Variants in LYZ observed in about 807,000 individuals in gnomAD.
LYZ encodes the protein lysozyme C.
LYZ carries 18 observed loss-of-function variants against 15.8 expected under a neutral mutation model. The observed-to-expected ratio is 1.14, with a 90% CI of 0.79 to 1.69. LYZ has a LOEUF of 1.69. Among genes scored for constraint, LYZ ranks in the 40% most tolerant of loss-of-function variants. The pLI, the probability that LYZ is intolerant of heterozygous loss-of-function variation, is 0.00. For missense variants in LYZ, 139 were observed against 182.8 expected (o/e 0.76, Z 1.38); for synonymous variants, 60 against 61.7 (o/e 0.97, Z 0.13).
Position 69,353,156 on chromosome 12 carries a change from G to A in LYZ, c.384G>A (p.Val128=). The change falls in exon 4 of 4, where the codon GTG becomes GTA. Residue 128 remains valine (V), a synonymous_variant. Coordinates refer to ENST00000261267, the MANE Select transcript of LYZ (RefSeq NM_000239.3). ...VRDPQGIRAW[V]AWRNRCQNRD... The stretch of plus-strand genomic sequence containing the variant: ...TTTGCTTCATCTTTTTCTACAGGGT[G>A]GCATGGAGAAATCGTTGTCAAAACA... 2 of 1,612,298 alleles carry A rather than the reference G, an allele frequency of 1.2e-6. No individual in the cohort carries two copies. The highest frequency in any genetic ancestry group is 2.2e-5 in the East Asian group (1 of 44,864).
At chr12:69,349,000 A>T (rs541086561) in intron 1 of LYZ, among the ~76,000 whole-genome samples, 2 of 151,478 alleles carry the variant, frequency 1.3e-5, no homozygotes, top group East Asian at 1.9e-4. Flanking sequence ...TTTTATTTTT[A>T]TTTTATTTTA....
chr12:69,353,718 G>T lies in LYZ; in HGVS notation c.*499G>T, dbSNP rs1359228360. 1.1e-5 allele frequency: 2 copies of T among 177,932 alleles called. No individual in the cohort carries two copies. Among genetic ancestry groups the T allele is most frequent in the Admixed American group, 5.6e-5 (1 of 17,926 alleles). The allele number at this position is 177,932 out of a possible 1,614,324, so 11.0% of individuals were successfully genotyped here. On this transcript the variant is annotated 3_prime_UTR_variant, in exon 4 of 4. Transcript: ENST00000261267. ...TTAGCCAGGATGGTCTCGATCTCCTGACCTTGTGATCCACCCACCTCGGCC... is the reference window on the plus strand; with the variant it reads ...TTAGCCAGGATGGTCTCGATCTCCTTACCTTGTGATCCACCCACCTCGGCC...
chr12:69,349,849 A>C (rs1032811210), intron 1 of LYZ, among the ~76,000 whole-genome samples: 6 of 152,206 alleles, frequency 3.9e-5, no homozygotes, highest in Non-Finnish European at 8.8e-5. Context: ...GAAGGGTAAA[A>C]GCAATGGAAC....
chr12:69,349,997 A>T (rs1874804291), intron 1 of LYZ, 111 bp from the exon 2 acceptor site: 2 of 866,388 alleles, frequency 2.3e-6, no homozygotes, highest in Non-Finnish European at 3.8e-6. Context: ...GTAAATCTTT[A>T]TACTTATAAA....
At position 69,353,643 on chromosome 12, in the gene LYZ, C is replaced by T. The variant is rs1446880576; in HGVS notation, c.*424C>T. 1 of 225,072 alleles carries T rather than the reference C, an allele frequency of 4.4e-6. No homozygotes were observed. The highest frequency in any genetic ancestry group is 2.4e-5 in the African/African-American group (1 of 42,406). 13.9% of individuals were successfully genotyped at this position (225,072 alleles called of 1,614,324 possible). On this transcript the variant is annotated 3_prime_UTR_variant, in exon 4 of 4. Transcript: ENST00000261267. ...AGCTGGGATTACGGGCGCCCGCCAC[C>T]ACGCCCGGCTAATTTTTTGTATTTT...
rs538701737 is a variant in LYZ at position 69,350,446 on chromosome 12, A to G, written c.301+174A>G. ...CTGAGTAAGAAATTAAAGAAGTGGT[A>G]TCATAAAAGGTTGATGTTTTTTAAT... is the stretch of plus-strand genomic sequence containing the variant. On this transcript the variant is annotated intron_variant, in intron 2 of 3. Transcript: ENST00000261267. The G allele has an allele frequency of 5.3e-5, 35 of 655,820 alleles. No homozygotes were observed. The African/African-American group carries it at 5.8e-4, about 11-fold the overall frequency. 40.6% of individuals were successfully genotyped at this position (655,820 alleles called of 1,614,324 possible).
chr12:69,353,442 G>C lies in LYZ; in HGVS notation c.*223G>C. 1 of 587,754 alleles carries C rather than the reference G, an allele frequency of 1.7e-6. No individual in the cohort carries two copies. The highest frequency in any genetic ancestry group is 3.0e-5 in the East Asian group (1 of 33,760). The allele number at this position is 587,754 out of a possible 1,614,324, so 36.4% of individuals were successfully genotyped here. On this transcript the variant is annotated 3_prime_UTR_variant, in exon 4 of 4. Coordinates refer to ENST00000261267, the MANE Select transcript of LYZ (RefSeq NM_000239.3). Reference sequence around the variant, plus strand: ...TCAGTTTGCAAATAGAACTAATACTGGTGAAAATTTACCTAAAACCTTGGT... The same window carrying C: ...TCAGTTTGCAAATAGAACTAATACTCGTGAAAATTTACCTAAAACCTTGGT...
At chr12:69,351,819 G>C (rs1008421439) in intron 2 of LYZ, among the ~76,000 whole-genome samples, 2 of 152,054 alleles carry the variant, frequency 1.3e-5, no homozygotes, top group African/African-American at 4.8e-5. Flanking sequence ...TGAGCACTTA[G>C]GTTGTTTCCA....
intron 3 of LYZ, 71 bp from the exon 4 acceptor site, chr12:69,353,082 A>C (rs1315652902): frequency 2.7e-5 from 27 of 996,016 alleles, no homozygotes; most frequent in Non-Finnish European, 4.4e-5. Context: ...TTCCCCAAGG[A>C]GTGCGAAGTA....
intron 2 of LYZ, among the ~76,000 whole-genome samples, chr12:69,350,871 T>G (rs1788482186): frequency 6.6e-6 from 1 of 150,444 alleles, no homozygotes; most frequent in Admixed American, 6.7e-5. Flanking sequence ...CACTGCAGCC[T>G]CAAGTGATCA....
At chr12:69,351,743 T>A (rs1874848023) in intron 2 of LYZ, among the ~76,000 whole-genome samples, 1 of 151,630 alleles carries the variant, frequency 6.6e-6, no homozygotes, top group South Asian at 2.1e-4. Flanking sequence ...GTATCATCAT[T>A]TTAAAAGAAT....
rs370786680 is a variant in LYZ, at chr12:69,348,453, G to C, written c.45G>C (p.Thr15=). ...TGGGGCTTGTCCTCCTTTCTGTTAC[G>C]GTCCAGGGCAAGGTCTTTGAAAGGT... ...IVLGLVLLSV[T]VQGKVFERCE... is the part of the protein sequence containing the mutation. Residue 15 remains threonine (T), a synonymous_variant, in exon 1 of 4, where the codon ACG becomes ACC. Coordinates refer to ENST00000261267, the MANE Select transcript of LYZ (RefSeq NM_000239.3). The C allele has an allele frequency of 6.2e-7, 1 of 1,614,136 alleles. No homozygotes were observed. Among genetic ancestry groups the C allele is most frequent in the Non-Finnish European group, 8.5e-7 (1 of 1,180,018 alleles).
intron 1 of LYZ, among the ~76,000 whole-genome samples, chr12:69,349,417 C>A (rs1874792966): frequency 6.6e-6 from 1 of 152,206 alleles, no homozygotes; most frequent in African/African-American, 2.4e-5. Flanking sequence ...AGAAACTCAG[C>A]ATGAAATGTT....
intron 3 of LYZ, 147 bp downstream of exon 3, chr12:69,352,445 T>C: frequency 1.6e-6 from 1 of 621,032 alleles, no homozygotes; most frequent in Non-Finnish European, 2.9e-6. Context: ...ACCTACATCC[T>C]TGAAGAAACA....
rs1234210399 is a variant in LYZ at position 69,352,265 on chromosome 12, G to A, written c.347G>A (p.Arg116Lys). The A allele has an allele frequency of 3.7e-6, 6 of 1,613,912 alleles. No individual in the cohort carries two copies. The highest frequency in any genetic ancestry group is 2.2e-5 in the South Asian group (2 of 91,090). Residue 116 changes from arginine (R) to lysine (K), a missense_variant, in exon 3 of 4, where the codon AGG becomes AAG. Arg to Lys is a conservative substitution (Grantham distance 26). Coordinates refer to ENST00000261267, the MANE Select transcript of LYZ (RefSeq NM_000239.3). ...NIADAVACAK[R>K]VVRDPQGIRA... ...GCTGATGCTGTAGCTTGTGCAAAGAGGGTTGTCCGTGATCCACAAGGCATT... is the reference window on the plus strand; with the variant it reads ...GCTGATGCTGTAGCTTGTGCAAAGAAGGTTGTCCGTGATCCACAAGGCATT...
rs187254869 is a variant in LYZ at position 69,351,964 on chromosome 12, G to T, written c.302-256G>T. On this transcript the variant is annotated intron_variant, in intron 2 of 3. Transcript: ENST00000261267. ...TAGGTGTTTTTTTACAGTGTCTAGT[G>T]CAAAGAAGACCTTTAATCATTTTGT... is the stretch of plus-strand genomic sequence containing the variant. Among the ~76,000 whole-genome samples the T allele has an allele frequency of 6.1e-3, 931 of 152,178 alleles. 7 individuals carry two copies. Among genetic ancestry groups the T allele is most frequent in the Middle Eastern group, 0.051 (15 of 294 alleles).
chr12:69,349,950 CCTTAT>C (rs1482079516), intron 1 of LYZ, among the ~76,000 whole-genome samples, 153 bp from the exon 2 acceptor site: 4 of 152,182 alleles, frequency 2.6e-5, no homozygotes, highest in South Asian at 2.1e-4. Context: ...CTTACAAGTC[CCTTAT>C]CTTAACACTA....
rs1460171634 is a variant in LYZ at position 69,350,239 on chromosome 12, G to C, written c.268G>C (p.Gly90Arg). The change falls in exon 2 of 4, where the codon GGA becomes CGA. Residue 90 changes from glycine to arginine, a missense_variant. By Grantham distance (125) the Gly-to-Arg change is moderately radical. Transcript: ENST00000261267. Reference protein sequence around the residue: ...RYWCNDGKTPGAVNACHLSCS... With the variant: ...RYWCNDGKTPRAVNACHLSCS... ...CTGGTGTAATGATGGCAAAACCCCAGGAGCAGTTAATGCCTGTCATTTATC... is the reference window on the plus strand; with the variant it reads ...CTGGTGTAATGATGGCAAAACCCCACGAGCAGTTAATGCCTGTCATTTATC... The C allele has an allele frequency of 1.2e-6, 2 of 1,614,132 alleles. No homozygotes were observed. The highest frequency in any genetic ancestry group is 2.2e-5 in the South Asian group (2 of 91,086).
intron 1 of LYZ, among the ~76,000 whole-genome samples, chr12:69,349,526 A>G (rs1874794928): frequency 6.6e-6 from 1 of 152,206 alleles, no homozygotes; most frequent in Non-Finnish European, 1.5e-5. Flanking sequence ...AGTTTAGTAC[A>G]TAGTTGTCGA....
Sources: allele counts gnomAD v4.1 joint callset (sites outside exome capture counted in the v4.1 genomes callset), GRCh38; gene constraint gnomAD v4.1.1; transcripts MANE v1.5; gene names NCBI Gene and HGNC (gene_info 2026-07-23, HGNC 2026-07-21).